ROCK2: variants seen among roughly 807,000 people sequenced by gnomAD.
ROCK2 encodes the protein rho-associated protein kinase 2.
Under a neutral mutation model 195.1 loss-of-function variants are expected in ROCK2, and 61 were observed. The observed-to-expected ratio is 0.31, with a 90% confidence interval of 0.25 to 0.39. The LOEUF (loss-of-function observed/expected upper bound fraction) is 0.39, where lower values mean the gene tolerates loss of function less well. Among genes scored for constraint, ROCK2 ranks in the 10% least tolerant of loss-of-function variants. ROCK2 has a pLI of 1.00. For missense variants in ROCK2, 1,109 were observed against 1,637.4 expected (o/e 0.68, Z 5.57); for synonymous variants, 504 against 545.5 (o/e 0.92, Z 1.06).
chr2:11,297,181 T>C (rs1360954093), intron 1 of ROCK2, among the ~76,000 whole-genome samples: 1 of 152,114 alleles, frequency 6.6e-6, no homozygotes, highest in African/African-American at 2.4e-5. Context: ...TTAGTATTTT[T>C]AAAAAATTAA....
At chr2:11,285,122 C>A (rs894041111) in intron 3 of ROCK2, among the ~76,000 whole-genome samples, 11 of 151,898 alleles carry the variant, frequency 7.2e-5, no homozygotes, top group African/African-American at 2.7e-4. Flanking sequence ...ATTGGCCAGG[C>A]GTGGTGGTGC....
At chr2:11,217,703 C>T (rs890705436) in intron 11 of ROCK2, 3 of 157,596 alleles carry the variant, frequency 1.9e-5, no homozygotes, top group African/African-American at 7.2e-5. Flanking sequence ...TAATTAATTA[C>T]AAGCCAGCTC....
intron 1 of ROCK2, among the ~76,000 whole-genome samples, chr2:11,338,911 CAAA>C (rs35796085): frequency 3.8e-5 from 5 of 131,402 alleles, no homozygotes; most frequent in Admixed American, 7.7e-5. Flanking sequence ...ATCTTTACTG[CAAA>C]AAAAAAAAAA....
intron 3 of ROCK2, among the ~76,000 whole-genome samples, chr2:11,278,324 T>C (rs761811998): frequency 2.7e-4 from 41 of 152,370 alleles, no homozygotes; most frequent in South Asian, 6.2e-4. Flanking sequence ...ATTCTTTCTG[T>C]GCCTGGGCTA....
chr2:11,208,479 T>C (rs748994643), intron 18 of ROCK2, 32 bp from the exon 19 acceptor site: 1 of 1,304,454 alleles, frequency 7.7e-7, no homozygotes, highest in Admixed American at 2.6e-5. Context: ...CAATCATAAA[T>C]TTACAAATAA....
chr2:11,262,367 T>C (rs905639381), intron 3 of ROCK2, among the ~76,000 whole-genome samples: 2 of 152,178 alleles, frequency 1.3e-5, no homozygotes, highest in African/African-American at 4.8e-5. Flanking sequence ...AGCTAATATG[T>C]AGAGCTTAAA....
intron 9 of ROCK2, among the ~76,000 whole-genome samples, chr2:11,220,206 C>T (rs1019701152): frequency 6.6e-6 from 1 of 151,978 alleles, no homozygotes; most frequent in Admixed American, 6.6e-5. Flanking sequence ...TTAGTAGAGA[C>T]GGGGTTTCTC....
intron 8 of ROCK2, among the ~76,000 whole-genome samples, chr2:11,221,881 G>T (rs916052793): frequency 2.6e-5 from 4 of 152,136 alleles, no homozygotes; most frequent in African/African-American, 9.7e-5. Context: ...TAAAAGTGTT[G>T]AGAAATATTG....
In ROCK2 at chr2:11,344,416, T is replaced by A. The variant is rs1669219936; in HGVS notation, c.-280A>T. The A allele has an allele frequency of 1.9e-6, 2 of 1,074,340 alleles. No homozygotes were observed. The highest frequency in any genetic ancestry group is 1.7e-5 in the African/African-American group (1 of 59,792). 66.6% of individuals were successfully genotyped at this position (1,074,340 alleles called of 1,614,324 possible). On this transcript the variant is annotated 5_prime_UTR_variant, in exon 1 of 33. Coordinates refer to ENST00000315872, the MANE Select transcript of ROCK2 (RefSeq NM_004850.5). The surrounding 1 kb of genome is among the most constrained non-coding windows in gnomAD (Gnocchi z 5.4). ...AGTCAGATTCGCGCCGCCGGTCCGC[T>A]GGTCCTCAGCGAGTGCCCGCAGGAG...
chr2:11,307,906 T>C, intron 1 of ROCK2: 1 of 1,252,260 alleles, frequency 8.0e-7, no homozygotes, highest in Non-Finnish European at 1.0e-6. Context: ...TGGGTGGCGG[T>C]GGTGGCCGTA....
chr2:11,189,049 A>T (rs1486390360), intron 32 of ROCK2, among the ~76,000 whole-genome samples: 1 of 152,046 alleles, frequency 6.6e-6, no homozygotes, highest in Non-Finnish European at 1.5e-5. Context: ...AAAAAAAAAG[A>T]AAAAAGAAGA....
At chr2:11,230,706 G>C (rs1664977324) in intron 5 of ROCK2, among the ~76,000 whole-genome samples, 1 of 152,070 alleles carries the variant, frequency 6.6e-6, no homozygotes, top group South Asian at 2.1e-4. Flanking sequence ...AAATGTATCA[G>C]ATTAAATGTG....
intron 20 of ROCK2, among the ~76,000 whole-genome samples, chr2:11,206,516 G>A (rs1269829228): frequency 6.6e-6 from 1 of 152,120 alleles, no homozygotes; most frequent in Non-Finnish European, 1.5e-5. Context: ...CCAATTTCTA[G>A]TTCCAATTTT....
At chr2:11,262,212 G>A (rs1666251711) in intron 3 of ROCK2, among the ~76,000 whole-genome samples, 1 of 151,710 alleles carries the variant, frequency 6.6e-6, no homozygotes, top group African/African-American at 2.4e-5. Flanking sequence ...GTGGATGAGT[G>A]TAAAAACACC....
intron 32 of ROCK2, among the ~76,000 whole-genome samples, chr2:11,187,434 C>T (rs55710279): frequency 6.8e-4 from 103 of 152,262 alleles, no homozygotes; most frequent in Middle Eastern, 3.4e-3. Context: ...TGTATGTGTA[C>T]GGTCCAGTAC....
chr2:11,254,215 G>C (rs779243788), intron 3 of ROCK2, among the ~76,000 whole-genome samples: 1 of 152,144 alleles, frequency 6.6e-6, no homozygotes, highest in African/African-American at 2.4e-5. Flanking sequence ...CAAGGCAACC[G>C]TATTCAGGTT....
At chr2:11,314,683 C>A (rs967318182) in intron 1 of ROCK2, among the ~76,000 whole-genome samples, 2 of 151,992 alleles carry the variant, frequency 1.3e-5, no homozygotes, top group Non-Finnish European at 2.9e-5. Context: ...CCATGATTCA[C>A]TGTTTTGCAT....
chr2:11,216,047 G>T, intron 13 of ROCK2, 111 bp downstream of exon 13: 1 of 811,116 alleles, frequency 1.2e-6, no homozygotes, highest in East Asian at 2.4e-5. Context: ...AATACTACAA[G>T]GTAGGTTTCA....
At chr2:11,238,407 T>A (rs1414502633) in intron 4 of ROCK2, among the ~76,000 whole-genome samples, 1 of 152,132 alleles carries the variant, frequency 6.6e-6, no homozygotes, top group Non-Finnish European at 1.5e-5. Flanking sequence ...TCAATCCCAG[T>A]GGGTCTTTTC....
Sources: allele counts gnomAD v4.1 joint callset (sites outside exome capture counted in the v4.1 genomes callset), GRCh38; gene constraint gnomAD v4.1.1; non-coding constraint Gnocchi (gnomAD v3.1); transcripts MANE v1.5; gene names NCBI Gene and HGNC (gene_info 2026-07-23, HGNC 2026-07-21).